Variants in CCAR1 observed in about 807,000 individuals in gnomAD.
CCAR1 encodes the protein cell division cycle and apoptosis regulator protein 1.
CCAR1 carries 78 observed loss-of-function variants against 163.8 expected under a neutral mutation model. The observed-to-expected ratio is 0.48, with a 90% confidence interval of 0.40 to 0.57. CCAR1 has a LOEUF of 0.57. CCAR1 is among the 20% of genes least tolerant of loss of function. The pLI is 0.00. For missense variants in CCAR1, 1,019 were observed against 1,365.2 expected, an observed-to-expected ratio of 0.75 and a Z score of 4.00; for synonymous variants, 443 against 460.7, an observed-to-expected ratio of 0.96 and a Z score of 0.49.
chr10:68,757,777 G>A (rs987251090), intron 15 of CCAR1, among the ~76,000 whole-genome samples: 1 of 151,466 alleles, frequency 6.6e-6, no homozygotes, highest in East Asian at 1.9e-4. Context: ...GCCAATATCT[G>A]TTGAATGCCT....
Position 68,787,908 on chromosome 10 carries a change from T to G in CCAR1, c.2881-19T>G, listed in dbSNP as rs1218171338. ...ATGTATTTTCATCTCTGTATTTTGT[T>G]TACTTGCATGCATAACAGGTAAAGA... is the stretch of plus-strand genomic sequence containing the variant. On this transcript the variant is annotated intron_variant, in intron 21 of 24. Transcript: ENST00000265872. The G allele has an allele frequency of 1.3e-6, 2 of 1,579,510 alleles. No homozygotes were observed. The highest frequency in any genetic ancestry group is 2.3e-5 in the South Asian group (2 of 85,296).
In CCAR1 at chr10:68,749,624, C is replaced by T. The variant is rs143403057; in HGVS notation, c.1057C>T (p.Arg353Trp). The T allele has an allele frequency of 5.5e-5, 88 of 1,613,878 alleles. No homozygotes were observed. The highest frequency in any genetic ancestry group is 6.6e-5 in the South Asian group (6 of 91,090). Residue 353 changes from arginine to tryptophan, a missense_variant, in exon 10 of 25, where the codon CGG becomes TGG. Physicochemically the swap from Arg to Trp is moderately radical, Grantham distance 101 (BLOSUM62 -3). Around this residue, in one of 4 missense-constraint regions of CCAR1, gnomAD observed 644 missense variants for 904.4 expected, o/e 0.71. Coordinates refer to ENST00000265872, the MANE Select transcript of CCAR1 (RefSeq NM_018237.4). ...ACGAAGAGAGCGAGAGCGATCACCTCGGAGAGTTCGACGTGTTGTTCCACG... is the reference window on the plus strand; with the variant it reads ...ACGAAGAGAGCGAGAGCGATCACCTTGGAGAGTTCGACGTGTTGTTCCACG... Reference protein sequence around the residue: ...SPRRERERSPRRVRRVVPRYT... With the variant: ...SPRRERERSPWRVRRVVPRYT...
intron 19 of CCAR1, among the ~76,000 whole-genome samples, chr10:68,775,376 C>A (rs1348630874): frequency 6.6e-6 from 1 of 152,034 alleles, no homozygotes; most frequent in Non-Finnish European, 1.5e-5. Flanking sequence ...AGACTTAAGC[C>A]CTTTTTACAG....
At chr10:68,732,181 T>C (rs16925661) in intron 2 of CCAR1, among the ~76,000 whole-genome samples, 45,265 of 152,062 alleles carry the variant, frequency 0.3, 7,908 homozygotes, top group Middle Eastern at 0.42. Context: ...ATGATACTTA[T>C]ACTTGAATCA....
intron 5 of CCAR1, among the ~76,000 whole-genome samples, chr10:68,741,558 C>T (rs545919483): frequency 1.5e-4 from 23 of 152,208 alleles, no homozygotes; most frequent in African/African-American, 5.1e-4. Context: ...CTGGTTAATA[C>T]GTAGAGTGAA....
intron 2 of CCAR1, among the ~76,000 whole-genome samples, chr10:68,723,877 G>T (rs1219822550): frequency 7.9e-5 from 12 of 151,636 alleles, no homozygotes; most frequent in Non-Finnish European, 1.5e-4. Context: ...GGTAAATTTA[G>T]GCTGGGCGCG....
chr10:68,782,597 A>G (rs1167164359), intron 19 of CCAR1, among the ~76,000 whole-genome samples: 2 of 152,194 alleles, frequency 1.3e-5, no homozygotes, highest in Non-Finnish European at 2.9e-5. Flanking sequence ...CCTGGCTTCA[A>G]AGGACAAGTT....
chr10:68,787,827 CTCTT>C lies in CCAR1; in HGVS notation c.2881-96_2881-93del, dbSNP rs573068983. On this transcript the variant is annotated intron_variant, in intron 21 of 24. Transcript: ENST00000265872. Reference sequence around the variant, plus strand: ...TCCAGTTTGGGCGACAAGAGCAAGACTCTTTCTCAAAAGAAAGTGAAAATTATAT... The same window carrying C: ...TCCAGTTTGGGCGACAAGAGCAAGACTCTCAAAAGAAAGTGAAAATTATAT... 1.5e-4 allele frequency: 182 copies of C among 1,197,552 alleles called. No homozygotes were observed. The African/African-American group carries it at 2.4e-3, about 16-fold the overall frequency. The allele number at this position is 1,197,552 out of a possible 1,614,324, so 74.2% of individuals were successfully genotyped here.
chr10:68,741,944 T>A (rs1433511886), intron 5 of CCAR1, among the ~76,000 whole-genome samples: 1 of 152,206 alleles, frequency 6.6e-6, no homozygotes, highest in Admixed American at 6.6e-5. Flanking sequence ...CTATTTTCAA[T>A]AATCAACAAA....
At chr10:68,776,110 TGAGC>T (rs2056664447) in intron 19 of CCAR1, among the ~76,000 whole-genome samples, 1 of 152,166 alleles carries the variant, frequency 6.6e-6, no homozygotes, top group Non-Finnish European at 1.5e-5. Flanking sequence ...TTTATAGGCA[TGAGC>T]CACTGACCCC....
At chr10:68,745,758 C>T (rs371180362) in intron 6 of CCAR1, among the ~76,000 whole-genome samples, 6 of 151,972 alleles carry the variant, frequency 3.9e-5, no homozygotes, top group Non-Finnish European at 5.9e-5. Context: ...GCCACAACAA[C>T]GCCCGGCAAC....
At chr10:68,761,547 C>T (rs779940085) in intron 16 of CCAR1, among the ~76,000 whole-genome samples, 17 of 151,864 alleles carry the variant, frequency 1.1e-4, no homozygotes, top group Non-Finnish European at 2.4e-4. Context: ...CCTTGTGATT[C>T]GCCTGCCTCA....
At chr10:68,776,292 A>G (rs10998429) in intron 19 of CCAR1, among the ~76,000 whole-genome samples, 4 of 150,492 alleles carry the variant, frequency 2.7e-5, no homozygotes, top group African/African-American at 7.3e-5. Context: ...GACTGGGCAC[A>G]GTGGCTCACA....
chr10:68,760,157 GTTT>G (rs2056450458), intron 15 of CCAR1, among the ~76,000 whole-genome samples: 1 of 152,088 alleles, frequency 6.6e-6, no homozygotes, highest in African/African-American at 2.4e-5. Flanking sequence ...TTGGACATTT[GTTT>G]ATTTACTTAA....
At chr10:68,724,009 C>T (rs755175224) in intron 2 of CCAR1, among the ~76,000 whole-genome samples, 9 of 150,786 alleles carry the variant, frequency 6.0e-5, no homozygotes, top group African/African-American at 9.8e-5. Context: ...AAATACAAAA[C>T]TGGCTGGGCA....
intron 10 of CCAR1, 126 bp from the exon 11 acceptor site, chr10:68,753,726 A>C: frequency 1.5e-6 from 1 of 674,636 alleles, no homozygotes. Flanking sequence ...ATAGCTCATT[A>C]GTAACTGACT....
At chr10:68,750,131 G>A (rs1169131936) in intron 10 of CCAR1, among the ~76,000 whole-genome samples, 1 of 151,712 alleles carries the variant, frequency 6.6e-6, no homozygotes, top group Non-Finnish European at 1.5e-5. Flanking sequence ...TATAGTGTAT[G>A]TGTATGTATA....
chr10:68,731,372 G>A (rs1244466804), intron 2 of CCAR1, among the ~76,000 whole-genome samples: 3 of 152,156 alleles, frequency 2.0e-5, no homozygotes, highest in African/African-American at 7.2e-5. Flanking sequence ...AATATTTAAT[G>A]AAATACACTT....
intron 6 of CCAR1, among the ~76,000 whole-genome samples, chr10:68,743,564 A>C (rs2056212558): frequency 6.6e-6 from 1 of 150,452 alleles, no homozygotes; most frequent in South Asian, 2.1e-4. Context: ...TTCTTTTTTC[A>C]GACAGTCTCA....
Sources: gnomAD v4.1 joint callset for allele counts (sites outside exome capture counted in the v4.1 genomes callset) on GRCh38, gnomAD v4.1.1 for gene constraint, gnomAD v4.1.1 regional missense constraint, MANE v1.5 for transcripts, NCBI Gene and HGNC (gene_info 2026-07-23, HGNC 2026-07-21) for gene names.